Variants in NEK10 observed in about 807,000 individuals in gnomAD.
NEK10 encodes serine/threonine-protein kinase Nek10.
Under a neutral mutation model 159.8 loss-of-function variants are expected in NEK10, and 122 were observed. The observed-to-expected ratio is 0.76, with a 90% CI of 0.66 to 0.89. The LOEUF (loss-of-function observed/expected upper bound fraction) is 0.89. NEK10 is among the 40% of genes least tolerant of loss of function. The pLI, the probability that NEK10 is intolerant of heterozygous loss-of-function variation, is 0.00. For missense variants in NEK10, 1,342 were observed against 1,323.1 expected, an observed-to-expected ratio of 1.01 and a Z score of -0.22; for synonymous variants, 466 against 457.1, an observed-to-expected ratio of 1.02 and a Z score of -0.25.
At chr3:27,285,390 C>T (rs2042504776) in intron 20 of NEK10, among the ~76,000 whole-genome samples, 1 of 151,978 alleles carries the variant, frequency 6.6e-6, no homozygotes, top group African/African-American at 2.4e-5. Flanking sequence ...ATTGCATTTT[C>T]AACTGTATTG....
intron 30 of NEK10, among the ~76,000 whole-genome samples, chr3:27,151,266 A>G (rs1944843183): frequency 6.6e-6 from 1 of 151,762 alleles, no homozygotes; most frequent in African/African-American, 2.4e-5. Flanking sequence ...CCGCCCCACC[A>G]CCTCCACCAG....
intron 23 of NEK10, among the ~76,000 whole-genome samples, chr3:27,204,301 G>GTTTTTTTT (rs567092116): frequency 2.3e-4 from 15 of 66,356 alleles, no homozygotes; most frequent in Non-Finnish European, 3.0e-4. Flanking sequence ...TTTTGTTGTT[G>GTTTTTTTT]TTTTTTTTTT....
In NEK10 at chr3:27,110,664, A is replaced by G. The variant is rs934113273; in HGVS notation, c.*608T>C. 6.6e-6 allele frequency: 1 copy of G among 152,254 alleles called. No homozygotes were observed. Among genetic ancestry groups the G allele is most frequent in the Non-Finnish European group, 1.5e-5 (1 of 68,036 alleles). The allele number at this position is 152,254 out of a possible 1,614,324, so 9.4% of individuals were successfully genotyped here. The stretch of plus-strand genomic sequence containing the variant: ...GTGCAAGGTTACAAATACTGTCTAC[A>G]CTGTATCACAGTTCAAGACCACTAG... On this transcript the variant is annotated 3_prime_UTR_variant, in exon 36 of 36. Coordinates refer to ENST00000691995, the MANE Select transcript of NEK10 (RefSeq NM_001394966.1).
At chr3:27,185,905 G>C (rs1176267786) in intron 26 of NEK10, among the ~76,000 whole-genome samples, 1 of 152,184 alleles carries the variant, frequency 6.6e-6, no homozygotes, top group East Asian at 1.9e-4. Context: ...CTGAGAATGA[G>C]AACTGAAAGG....
rs758811047 is a variant in NEK10 at position 27,174,522 on chromosome 3, G to C, written c.2693C>G (p.Thr898Arg). ...CAATTCATCATCTACCTCTGAATAT[G>C]TATCTGCACATTAATAAAAACAATA... ...NFNLENAEKD[T>R]YSEVDDELDI... The change falls in exon 28 of 36, where the codon ACA (threonine) becomes AGA (arginine). Residue 898 changes from threonine to arginine, a missense_variant. Transcript: ENST00000691995. 5 of 1,608,996 alleles carry C rather than the reference G, an allele frequency of 3.1e-6. No individual in the cohort carries two copies. In the Admixed American group the frequency reaches 8.6e-5, roughly 28 times the overall value.
chr3:27,174,743 C>G lies in NEK10; in HGVS notation c.2596G>C (p.Glu866Gln). The G allele has an allele frequency of 6.2e-7, 1 of 1,613,716 alleles. No individual in the cohort carries two copies. Among genetic ancestry groups the G allele is most frequent in the Non-Finnish European group, 8.5e-7 (1 of 1,179,842 alleles). Residue 866 changes from glutamate to glutamine, a missense_variant, in exon 27 of 36, where the codon GAA becomes CAA. Glu to Gln is a conservative substitution (Grantham distance 29, BLOSUM62 2). Transcript: ENST00000691995. ...ELSESADLPP[E>Q]GFQASYGKDE... ...TTACCATAGGAGGCCTGGAAGCCTT[C>G]AGGGGGCAGGTCTGCGCTTTCTGAA...
intron 26 of NEK10, among the ~76,000 whole-genome samples, chr3:27,177,367 C>T (rs1026868093): frequency 6.6e-6 from 1 of 151,938 alleles, no homozygotes; most frequent in Non-Finnish European, 1.5e-5. Context: ...CACAGTGAAA[C>T]CCTGTCTCTA....
rs186154161 is a variant in NEK10, at chr3:27,109,116, C to T, written c.*2156G>A. On this transcript the variant is annotated 3_prime_UTR_variant, in exon 36 of 36. Transcript: ENST00000691995. ...TGCAATGGCTGGGCACAGTGGCTCA[C>T]GCCTCTAATCCCAGCACTTTGGGAG... 3.3e-5 allele frequency among the ~76,000 whole-genome samples: 5 copies of T among 152,300 alleles called. No individual in the cohort carries two copies. Among genetic ancestry groups the T allele is most frequent in the Admixed American group, 6.5e-5 (1 of 15,298 alleles).
chr3:27,125,935 A>G (rs1003728377), intron 32 of NEK10, among the ~76,000 whole-genome samples: 3 of 152,166 alleles, frequency 2.0e-5, no homozygotes, highest in African/African-American at 7.2e-5. Context: ...GGTGATGTCA[A>G]GGAAGAGTGA....
intron 14 of NEK10, among the ~76,000 whole-genome samples, chr3:27,295,948 GATTCA>G (rs1213596110): frequency 2.0e-5 from 3 of 152,050 alleles, no homozygotes; most frequent in African/African-American, 7.2e-5. Context: ...AACGTAAAGT[GATTCA>G]AATACCTTAA....
chr3:27,344,869 G>A (rs1233371282), intron 4 of NEK10, among the ~76,000 whole-genome samples: 1 of 152,080 alleles, frequency 6.6e-6, no homozygotes, highest in Non-Finnish European at 1.5e-5. Context: ...TATTAACACA[G>A]TTTATGCACC....
intron 33 of NEK10, among the ~76,000 whole-genome samples, chr3:27,119,362 GT>G (rs1333921879): frequency 6.6e-6 from 1 of 152,160 alleles, no homozygotes; most frequent in East Asian, 1.9e-4. Flanking sequence ...AAAAATTCAA[GT>G]GTCTAATGTG....
intron 6 of NEK10, among the ~76,000 whole-genome samples, chr3:27,321,413 G>A (rs768387023): frequency 2.6e-5 from 4 of 152,196 alleles, no homozygotes; most frequent in Non-Finnish European, 4.4e-5. Context: ...GTTCATGCCT[G>A]TAATCCCAGC....
At position 27,174,696 on chromosome 3, in the gene NEK10, G is replaced by A. The variant is rs753032028; in HGVS notation, c.2643C>T (p.Asp881=). ...SYGKDEDRAC[D]EILSDDNFNL... ...TGAAGTTATCATCTGACAGGATTTC[G>A]TCACAGGCCCTGTCTTCGTCTTTAC... Residue 881 remains aspartate (D), a synonymous_variant, in exon 27 of 36, where the codon GAC becomes GAT. Coordinates refer to ENST00000691995, the MANE Select transcript of NEK10 (RefSeq NM_001394966.1). 47 of 1,613,098 alleles carry A rather than the reference G, an allele frequency of 2.9e-5. No individual in the cohort carries two copies. The highest frequency in any genetic ancestry group is 3.5e-5 in the Non-Finnish European group (41 of 1,179,728).
intron 29 of NEK10, among the ~76,000 whole-genome samples, chr3:27,170,087 A>G (rs1387949186): frequency 6.6e-6 from 1 of 152,098 alleles, no homozygotes; most frequent in Non-Finnish European, 1.5e-5. Flanking sequence ...AAGCCCCACA[A>G]TGACGTCTAA....
intron 23 of NEK10, among the ~76,000 whole-genome samples, chr3:27,217,034 A>T (rs1337935227): frequency 1.3e-5 from 2 of 152,216 alleles, no homozygotes; most frequent in Non-Finnish European, 1.5e-5. Flanking sequence ...TTTATAAATT[A>T]CTTATGAGTG....
intron 22 of NEK10, among the ~76,000 whole-genome samples, chr3:27,260,776 G>C (rs1489401815): frequency 6.6e-6 from 1 of 152,120 alleles, no homozygotes; most frequent in Admixed American, 6.5e-5. Context: ...TTATTGATTG[G>C]AATAGTTTCA....
chr3:27,277,251 C>T (rs1302735199), intron 22 of NEK10, among the ~76,000 whole-genome samples: 1 of 116,352 alleles, frequency 8.6e-6, no homozygotes, highest in Admixed American at 9.5e-5. Context: ...GCCTAGATCA[C>T]CCTAAGCTGC....
chr3:27,309,192 A>G lies in NEK10; in HGVS notation c.637-187T>C, dbSNP rs2149582625. On this transcript the variant is annotated intron_variant, in intron 9 of 35. Coordinates refer to ENST00000691995, the MANE Select transcript of NEK10 (RefSeq NM_001394966.1). The stretch of plus-strand genomic sequence containing the variant: ...TTATAATGTATGTGCATATACAATT[A>G]AGCACAAACTATATATAATGTTAAA... The G allele has an allele frequency of 7.8e-6, 3 of 384,224 alleles. No individual in the cohort carries two copies. In the South Asian group the frequency reaches 1.8e-4, roughly 24 times the overall value. The allele number at this position is 384,224 out of a possible 1,614,324, so 23.8% of individuals were successfully genotyped here. A position where few individuals can be genotyped will look rare whatever the true frequency, so the allele number is the denominator to read the frequency against.
Sources: gnomAD v4.1 joint callset for allele counts (sites outside exome capture counted in the v4.1 genomes callset) on GRCh38, gnomAD v4.1.1 for gene constraint, MANE v1.5 for transcripts, NCBI Gene and HGNC (gene_info 2026-07-23, HGNC 2026-07-21) for gene names.